Variants in ALKBH5 observed in about 807,000 individuals in gnomAD.
ALKBH5 encodes the protein RNA demethylase ALKBH5.
A neutral mutation model predicts 32.1 loss-of-function variants in ALKBH5; 2 were observed. The ratio of observed to expected loss-of-function variants is 0.06; its 90% confidence interval spans 0.03 to 0.20. ALKBH5 has a LOEUF of 0.20. Ranked by LOEUF, ALKBH5 falls within the 10% of genes least tolerant of loss-of-function variation. The probability of loss-of-function intolerance (pLI) is 1.00; values close to 1 mark genes in which losing one functional copy is unlikely to be tolerated. For missense variants in ALKBH5, 352 were observed against 559.5 expected (o/e 0.63, Z 3.74); for synonymous variants, 300 against 231.7 (o/e 1.29, Z -2.68).
At chr17:18,187,292 G>A (rs1205657467) in intron 1 of ALKBH5, among the ~76,000 whole-genome samples, 1 of 152,086 alleles carries the variant, frequency 6.6e-6, no homozygotes, top group African/African-American at 2.4e-5. Context: ...GTCTTTGGCT[G>A]CAGTAGCAGG....
At chr17:18,204,334 C>G (rs543174747) in intron 2 of ALKBH5, among the ~76,000 whole-genome samples, 1 of 152,232 alleles carries the variant, frequency 6.6e-6, no homozygotes, top group South Asian at 2.1e-4. Flanking sequence ...GCCTGTAATC[C>G]TAGCAATTCG....
At chr17:18,189,250 C>T (rs369173499) in intron 1 of ALKBH5, among the ~76,000 whole-genome samples, 2 of 150,782 alleles carry the variant, frequency 1.3e-5, no homozygotes, top group East Asian at 2.0e-4. Context: ...GGTGTGGTGG[C>T]GGGCGCCTGT....
At chr17:18,201,702 A>C (rs915611018) in intron 2 of ALKBH5, among the ~76,000 whole-genome samples, 2 of 151,912 alleles carry the variant, frequency 1.3e-5, no homozygotes, top group African/African-American at 4.8e-5. Context: ...CCAAGATTGC[A>C]CCACTGCACT....
rs2047119180 is a variant in ALKBH5, at chr17:18,184,092, C to T, written c.-152C>T. 2.7e-6 allele frequency: 2 copies of T among 729,860 alleles called. No individual in the cohort carries two copies. Among genetic ancestry groups the T allele is most frequent in the Non-Finnish European group, 4.7e-6 (2 of 429,412 alleles). The allele number at this position is 729,860 out of a possible 1,614,324, so 45.2% of individuals were successfully genotyped here. The stretch of plus-strand genomic sequence containing the variant: ...CTGAGGCCCTACCCCACGCCCGGAC[C>T]CTCGACGCCCCCCGCCGGGTCCCCC... On this transcript the variant is annotated 5_prime_UTR_variant, in exon 1 of 4. Coordinates refer to ENST00000399138, the MANE Select transcript of ALKBH5 (RefSeq NM_017758.4).
At chr17:18,199,057 C>T (rs1407791382) in intron 2 of ALKBH5, among the ~76,000 whole-genome samples, 4 of 152,106 alleles carry the variant, frequency 2.6e-5, no homozygotes, top group African/African-American at 9.7e-5. Flanking sequence ...AACTGGAGCT[C>T]AGATATAGAA....
intron 2 of ALKBH5, among the ~76,000 whole-genome samples, chr17:18,200,357 C>T (rs1046533398): frequency 6.6e-6 from 1 of 152,154 alleles, no homozygotes; most frequent in Non-Finnish European, 1.5e-5. Context: ...GTGACTAGGG[C>T]ACCCAATCCC....
At chr17:18,201,408 T>A (rs1189716567) in intron 2 of ALKBH5, among the ~76,000 whole-genome samples, 1 of 152,230 alleles carries the variant, frequency 6.6e-6, no homozygotes, top group Admixed American at 6.5e-5. Context: ...TGCAGTCTTA[T>A]CTGCACCTGT....
intron 2 of ALKBH5, among the ~76,000 whole-genome samples, chr17:18,198,819 G>A (rs188765121): frequency 6.6e-6 from 1 of 152,294 alleles, no homozygotes; most frequent in East Asian, 1.9e-4. Context: ...ATGTGCCCTT[G>A]TTTCTTACGG....
Position 18,183,998 on chromosome 17 carries a change from C to T in ALKBH5, c.-246C>T, listed in dbSNP as rs907013049. ...ATGAGGCGCTGCCGGCGCCCCTGCC[C>T]CGCGGGACGTGGAGAAGGTGGAGGA... On this transcript the variant is annotated 5_prime_UTR_variant, in exon 1 of 4. Transcript: ENST00000399138. 1.8e-5 allele frequency: 12 copies of T among 658,514 alleles called. No individual in the cohort carries two copies. In the African/African-American group the frequency reaches 2.0e-4, roughly 11 times the overall value. 40.8% of individuals were successfully genotyped at this position (658,514 alleles called of 1,614,324 possible). A position where few individuals can be genotyped will look rare whatever the true frequency, so the allele number is the denominator to read the frequency against.
At chr17:18,193,827 T>TGGTACAG (rs2047191306) in intron 1 of ALKBH5, among the ~76,000 whole-genome samples, 2 of 152,286 alleles carry the variant, frequency 1.3e-5, no homozygotes, top group South Asian at 4.1e-4. Flanking sequence ...GAAGGGTTTG[T>TGGTACAG]GGTACAGGGC....
Position 18,184,559 on chromosome 17 carries a change from C to G in ALKBH5, c.316C>G (p.Arg106Gly). The G allele has an allele frequency of 1.2e-6, 2 of 1,613,326 alleles. No individual in the cohort carries two copies. Among genetic ancestry groups the G allele is most frequent in the South Asian group, 1.1e-5 (1 of 91,090 alleles). Reference sequence around the variant, plus strand: ...GGACGAGTGCGCCAAGATCGAGGCCCGCATTGACGAGGTGGTGTCCCGCGC... The same window carrying G: ...GGACGAGTGCGCCAAGATCGAGGCCGGCATTGACGAGGTGGTGTCCCGCGC... Reference protein sequence around the residue: ...SQDECAKIEARIDEVVSRAEK... With the variant: ...SQDECAKIEAGIDEVVSRAEK... Residue 106 changes from arginine to glycine, a missense_variant, in exon 1 of 4, where the codon CGC becomes GGC. Physicochemically the swap from Arg to Gly is moderately radical, Grantham distance 125. This residue lies in a region of ALKBH5 where 28 missense variants were observed against 53.1 expected (regional missense o/e 0.53). Coordinates refer to ENST00000399138, the MANE Select transcript of ALKBH5 (RefSeq NM_017758.4).
At chr17:18,191,730 G>A (rs2047175931) in intron 1 of ALKBH5, among the ~76,000 whole-genome samples, 1 of 152,170 alleles carries the variant, frequency 6.6e-6, no homozygotes, top group Non-Finnish European at 1.5e-5. Flanking sequence ...AGCACTTTGG[G>A]AGGCCGAGGT....
intron 1 of ALKBH5, among the ~76,000 whole-genome samples, chr17:18,192,214 C>T (rs1305159960): frequency 6.6e-6 from 1 of 152,160 alleles, no homozygotes; most frequent in African/African-American, 2.4e-5. Context: ...TAGTCCAGGG[C>T]CCTCTGACTT....
chr17:18,192,594 GTCACAAAGCTAGTAGGAGACAAAGC>G (rs1372346276), intron 1 of ALKBH5, among the ~76,000 whole-genome samples: 4 of 152,144 alleles, frequency 2.6e-5, no homozygotes, highest in Admixed American at 2.6e-4. Flanking sequence ...TTTAACAAAG[GTCACAAAGCTAGTAGGAGACAAAGC>G]TCACATTTGA....
intron 1 of ALKBH5, among the ~76,000 whole-genome samples, chr17:18,185,951 C>G (rs1203882562): frequency 6.6e-6 from 1 of 152,206 alleles, no homozygotes; most frequent in East Asian, 1.9e-4. Context: ...CTCAGAGCAG[C>G]TTGGTTGACC....
intron 2 of ALKBH5, among the ~76,000 whole-genome samples, chr17:18,201,794 A>AGGATAGATT (rs1491101824): frequency 7.4e-5 from 10 of 134,416 alleles, no homozygotes; most frequent in East Asian, 2.4e-4. Flanking sequence ...TAGGATAGAT[A>AGGATAGATT]AGATAGATAG....
intron 2 of ALKBH5, among the ~76,000 whole-genome samples, chr17:18,195,888 G>A (rs995809928): frequency 2.6e-5 from 4 of 152,224 alleles, no homozygotes; most frequent in Non-Finnish European, 5.9e-5. Context: ...AAACAAGCAC[G>A]TAAACTTAGG....
intron 2 of ALKBH5, among the ~76,000 whole-genome samples, chr17:18,205,378 C>G (rs1318078678): frequency 6.6e-6 from 1 of 152,192 alleles, no homozygotes; most frequent in Admixed American, 6.5e-5. Context: ...TCACTCACTG[C>G]AGCTGGGCCC....
At chr17:18,190,879 C>T (rs539035759) in intron 1 of ALKBH5, among the ~76,000 whole-genome samples, 10 of 152,350 alleles carry the variant, frequency 6.6e-5, no homozygotes, top group African/African-American at 2.4e-4. Flanking sequence ...GACATGTCAG[C>T]TCCTTCGAGA....
Sources: gnomAD v4.1 joint callset for allele counts (sites outside exome capture counted in the v4.1 genomes callset) on GRCh38, gnomAD v4.1.1 for gene constraint, gnomAD v4.1.1 regional missense constraint, MANE v1.5 for transcripts, NCBI Gene and HGNC (gene_info 2026-07-23, HGNC 2026-07-21) for gene names.